Variants in SLC16A12 observed in about 807,000 individuals in gnomAD.
SLC16A12 encodes monocarboxylate transporter 12.
In SLC16A12, 17 loss-of-function variants were observed where a neutral mutation model predicts 42.4. That is an observed-to-expected ratio of 0.40 (90% CI 0.27 to 0.60). The LOEUF is 0.60. Among genes scored for constraint, SLC16A12 ranks in the 20% least tolerant of loss-of-function variants. The probability of loss-of-function intolerance (pLI) is 0.42; values close to 1 mark genes in which losing one functional copy is unlikely to be tolerated. For missense variants in SLC16A12, 544 were observed against 623.0 expected, an observed-to-expected ratio of 0.87 and a Z score of 1.35; for synonymous variants, 224 against 229.4, an observed-to-expected ratio of 0.98 and a Z score of 0.21.
At chr10:89,446,201 G>A (rs1841998908) in intron 3 of SLC16A12, among the ~76,000 whole-genome samples, 1 of 152,170 alleles carries the variant, frequency 6.6e-6, no homozygotes, top group Non-Finnish European at 1.5e-5. Context: ...TTATCCAGGA[G>A]AACTTCCCCA....
At chr10:89,451,169 G>A (rs1236425906) in intron 3 of SLC16A12, among the ~76,000 whole-genome samples, 3 of 152,154 alleles carry the variant, frequency 2.0e-5, no homozygotes, top group Admixed American at 1.3e-4. Context: ...TTGGAGCTAA[G>A]TTCCAATTAA....
At chr10:89,442,385 T>A (rs1248404619) in intron 4 of SLC16A12, among the ~76,000 whole-genome samples, 1 of 152,314 alleles carries the variant, frequency 6.6e-6, no homozygotes, top group African/African-American at 2.4e-5. Context: ...ATAACCCTAC[T>A]CAAAGCTTGA....
In SLC16A12 at chr10:89,431,747, G is replaced by A. The variant is rs1181828739; in HGVS notation, c.*1317C>T. Reference sequence around the variant, plus strand: ...TAATTCTTTGGACTTAAAATGGTTGGAAACAAGCTGGGGGATCTGGACTTT... The same window carrying A: ...TAATTCTTTGGACTTAAAATGGTTGAAAACAAGCTGGGGGATCTGGACTTT... On this transcript the variant is annotated 3_prime_UTR_variant, in exon 8 of 8. Transcript: ENST00000371790. 1 of 152,214 alleles carries A rather than the reference G, an allele frequency of 6.6e-6. No individual in the cohort carries two copies. The highest frequency in any genetic ancestry group is 1.5e-5 in the Non-Finnish European group (1 of 68,044). 9.4% of individuals were successfully genotyped at this position (152,214 alleles called of 1,614,324 possible).
At chr10:89,530,562 C>A (rs924654950) in intron 2 of SLC16A12, among the ~76,000 whole-genome samples, 2 of 151,884 alleles carry the variant, frequency 1.3e-5, no homozygotes, top group African/African-American at 4.8e-5. Context: ...GGACTACAGG[C>A]GCCTACCACC....
chr10:89,531,201 C>T (rs1451401330), intron 2 of SLC16A12, among the ~76,000 whole-genome samples: 1 of 151,318 alleles, frequency 6.6e-6, no homozygotes, highest in South Asian at 2.1e-4. Context: ...ACCAGCCTTG[C>T]CAACATGGTG....
At chr10:89,455,059 T>C (rs1285708186) in intron 3 of SLC16A12, among the ~76,000 whole-genome samples, 1 of 151,878 alleles carries the variant, frequency 6.6e-6, no homozygotes, top group Non-Finnish European at 1.5e-5. Flanking sequence ...GAACTATGAA[T>C]GAGAAAGGGA....
chr10:89,443,113 C>T (rs1841940856), intron 4 of SLC16A12, among the ~76,000 whole-genome samples: 1 of 152,332 alleles, frequency 6.6e-6, no homozygotes, highest in Non-Finnish European at 1.5e-5. Flanking sequence ...GAACACCCTA[C>T]ATACCTTATA....
At chr10:89,505,975 G>T (rs1035110693) in intron 2 of SLC16A12, among the ~76,000 whole-genome samples, 1 of 152,162 alleles carries the variant, frequency 6.6e-6, no homozygotes, top group Non-Finnish European at 1.5e-5. Context: ...TTGGAAGTTC[G>T]AACTGGGTGG....
upstream of SLC16A12, among the ~76,000 whole-genome samples, chr10:89,538,926 T>C (rs971969901): frequency 6.6e-6 from 1 of 152,200 alleles, no homozygotes; most frequent in African/African-American, 2.4e-5. Flanking sequence ...TCCCTTCCCA[T>C]TGACAACTGA....
At chr10:89,450,931 A>T (rs1842086487) in intron 3 of SLC16A12, among the ~76,000 whole-genome samples, 1 of 152,152 alleles carries the variant, frequency 6.6e-6, no homozygotes, top group African/African-American at 2.4e-5. Context: ...GTATGTGTGT[A>T]TGTGCAGAGA....
Position 89,492,872 on chromosome 10 carries a change from A to T in SLC16A12, c.-46-30248T>A, listed in dbSNP as rs117361942. Among the ~76,000 whole-genome samples the T allele has an allele frequency of 9.7e-3, 1,473 of 152,060 alleles. 15 individuals carry two copies. The highest frequency in any genetic ancestry group is 0.015 in the Non-Finnish European group (1,043 of 67,968). On this transcript the variant is annotated intron_variant, in intron 2 of 7. Coordinates refer to ENST00000371790, the MANE Select transcript of SLC16A12 (RefSeq NM_213606.4). Reference sequence around the variant, plus strand: ...TAGGAAACAACACCTCAGTATTCCCATTCTCAGTTCAAGCGTCTTGAACCT... The same window carrying T: ...TAGGAAACAACACCTCAGTATTCCCTTTCTCAGTTCAAGCGTCTTGAACCT...
intron 2 of SLC16A12, among the ~76,000 whole-genome samples, chr10:89,513,700 C>A (rs1843199726): frequency 6.6e-6 from 1 of 152,136 alleles, no homozygotes; most frequent in Admixed American, 6.6e-5. Context: ...ACTGATAACA[C>A]TGAGAAATCA....
At chr10:89,486,825 T>C (rs373353009) in intron 2 of SLC16A12, among the ~76,000 whole-genome samples, 4 of 152,170 alleles carry the variant, frequency 2.6e-5, no homozygotes, top group African/African-American at 9.7e-5. Context: ...TTTTCTCTCC[T>C]TTGTTTTCCA....
chr10:89,491,718 T>C (rs1396085988), intron 2 of SLC16A12, among the ~76,000 whole-genome samples: 1 of 152,208 alleles, frequency 6.6e-6, no homozygotes, highest in Non-Finnish European at 1.5e-5. Context: ...AAATTGAGAC[T>C]GTGTTTGTGA....
intron 7 of SLC16A12, among the ~76,000 whole-genome samples, chr10:89,434,304 C>T (rs1053354203): frequency 6.6e-6 from 1 of 152,166 alleles, no homozygotes; most frequent in Non-Finnish European, 1.5e-5. Context: ...AATTAATCCT[C>T]GAATTTCCAG....
chr10:89,439,106 A>G lies in SLC16A12; in HGVS notation c.526T>C (p.Tyr176His). 6.2e-7 allele frequency: 1 copy of G among 1,613,760 alleles called. No homozygotes were observed. Among genetic ancestry groups the G allele is most frequent in the Non-Finnish European group, 8.5e-7 (1 of 1,179,896 alleles). ...KYFSRRKALA[Y>H]GIAMSGSGIG... ...CCACTTCCTGACATGGCGATACCAT[A>G]AGCAAGGGCTTTCCGTCTGCTGAAG... The change falls in exon 6 of 8, where the codon TAT becomes CAT. Residue 176 changes from tyrosine (Y) to histidine (H), a missense_variant. Physicochemically the swap from Tyr to His is moderately conservative, Grantham distance 83. Transcript: ENST00000371790.
intron 2 of SLC16A12, among the ~76,000 whole-genome samples, chr10:89,474,635 G>C (rs902878897): frequency 6.6e-6 from 1 of 151,712 alleles, no homozygotes. Flanking sequence ...GCACACCAGA[G>C]TGTGGCATTC....
intron 3 of SLC16A12, among the ~76,000 whole-genome samples, chr10:89,459,798 GGGTGT>G (rs893997898): frequency 1.3e-5 from 2 of 152,086 alleles, no homozygotes; most frequent in Non-Finnish European, 2.9e-5. Flanking sequence ...AAAATTAGCT[GGGTGT>G]GGTGGCACGC....
chr10:89,496,018 GA>G (rs1842916933), intron 2 of SLC16A12, among the ~76,000 whole-genome samples: 1 of 152,094 alleles, frequency 6.6e-6, no homozygotes, highest in African/African-American at 2.4e-5. Context: ...GTCTCATTCT[GA>G]AATAAATGAA....
Sources: allele counts gnomAD v4.1 joint callset (sites outside exome capture counted in the v4.1 genomes callset), GRCh38; gene constraint gnomAD v4.1.1; transcripts MANE v1.5; gene names NCBI Gene and HGNC (gene_info 2026-07-23, HGNC 2026-07-21).